Variants in WDFY4 observed in about 807,000 individuals in gnomAD.
The protein encoded by WDFY4 is WD repeat- and FYVE domain-containing protein 4.
A neutral mutation model predicts 351.9 loss-of-function variants in WDFY4; 169 were observed. The observed-to-expected ratio is 0.48, with a 90% CI of 0.42 to 0.55. The LOEUF (loss-of-function observed/expected upper bound fraction) is 0.55. WDFY4 is among the 20% of genes least tolerant of loss of function. The probability of loss-of-function intolerance (pLI) is 0.00; values close to 1 mark genes in which losing one functional copy is unlikely to be tolerated. For synonymous variants in WDFY4, 1,622 were observed against 1,574.6 expected, an observed-to-expected ratio of 1.03 and a Z score of -0.71; for missense variants, 3,803 against 3,935.6, an observed-to-expected ratio of 0.97 and a Z score of 0.90.
At chr10:48,850,572 G>A (rs2133171432) in intron 39 of WDFY4, among the ~76,000 whole-genome samples, 1 of 152,206 alleles carries the variant, frequency 6.6e-6, no homozygotes, top group South Asian at 2.1e-4. Context: ...CATTTTTGGT[G>A]TGTGTATTAC....
chr10:48,910,367 A>G (rs1049086254), intron 47 of WDFY4: 13 of 943,504 alleles, frequency 1.4e-5, no homozygotes, highest in South Asian at 1.2e-4. Context: ...GACCTTCAGG[A>G]TGGTCAGGTT....
At chr10:48,804,562 CAAAAAAAAAA>C (rs58660119) in intron 25 of WDFY4, among the ~76,000 whole-genome samples, 4 of 101,658 alleles carry the variant, frequency 3.9e-5, no homozygotes, top group South Asian at 3.1e-4. Flanking sequence ...TGTGTTAATA[CAAAAAAAAAA>C]AAAAAAAAAA....
chr10:48,966,173 C>A (rs1475708856), intron 54 of WDFY4, among the ~76,000 whole-genome samples: 10 of 152,164 alleles, frequency 6.6e-5, no homozygotes, highest in African/African-American at 2.4e-4. Context: ...GCCACGTTAT[C>A]TAGGGAACGA....
At chr10:48,925,087 C>T (rs1422980017) in intron 47 of WDFY4, among the ~76,000 whole-genome samples, 3 of 152,226 alleles carry the variant, frequency 2.0e-5, no homozygotes, top group African/African-American at 7.2e-5. Context: ...ATATCTTTTA[C>T]TTGTCGGTCA....
intron 51 of WDFY4, among the ~76,000 whole-genome samples, chr10:48,951,135 G>A (rs1387066177): frequency 2.2e-4 from 34 of 152,212 alleles, no homozygotes; most frequent in Non-Finnish European, 3.5e-4. Flanking sequence ...GTGTTCTTAG[G>A]TTTGAGCTGG....
intron 12 of WDFY4, among the ~76,000 whole-genome samples, chr10:48,751,812 G>C (rs1010799302): frequency 1.3e-5 from 2 of 152,180 alleles, no homozygotes; most frequent in Non-Finnish European, 2.9e-5. Context: ...ACCAGGATTG[G>C]AGTAGTCATC....
chr10:48,862,725 C>G (rs1422709065), intron 39 of WDFY4, among the ~76,000 whole-genome samples: 1 of 152,200 alleles, frequency 6.6e-6, no homozygotes, highest in Non-Finnish European at 1.5e-5. Flanking sequence ...GAAAAATTGT[C>G]TTCCACAAAA....
chr10:48,952,973 G>A (rs933609026), intron 51 of WDFY4, among the ~76,000 whole-genome samples: 2 of 152,098 alleles, frequency 1.3e-5, no homozygotes, highest in Non-Finnish European at 2.9e-5. Flanking sequence ...CTGAGGTGCT[G>A]TTGCTACCAA....
chr10:48,941,442 C>G (rs1840758278), intron 47 of WDFY4, among the ~76,000 whole-genome samples: 1 of 152,110 alleles, frequency 6.6e-6, no homozygotes, highest in African/African-American at 2.4e-5. Context: ...ACGAGCAAAA[C>G]AAGGGGTCGG....
intron 12 of WDFY4, among the ~76,000 whole-genome samples, chr10:48,754,391 A>G (rs527568680): frequency 5.3e-4 from 81 of 151,942 alleles, no homozygotes; most frequent in African/African-American, 1.9e-3. Context: ...GGATGTCTGC[A>G]TCCCGTCTTT....
rs1180736209 is a variant in WDFY4 at position 48,774,563 on chromosome 10, A to G, written c.2659A>G (p.Met887Val). ...CGAAGCAGGCTTGCTTGGGACCCTC[A>G]TGGCCTCCTGCCACAGGGCCCTGGT... ...MCEAGLLGTL[M>V]ASCHRALVTS... The change falls in exon 14 of 62, where the codon ATG becomes GTG. Residue 887 changes from methionine (M) to valine (V), a missense_variant. Physicochemically the swap from Met to Val is conservative, Grantham distance 21. This residue lies in a region of WDFY4 where 3,054 missense variants were observed against 3,148.6 expected (regional missense o/e 0.97). Transcript: ENST00000325239. 1.3e-6 allele frequency: 2 copies of G among 1,551,464 alleles called. No individual in the cohort carries two copies. The highest frequency in any genetic ancestry group is 4.9e-5 in the East Asian group (2 of 40,900).
intron 32 of WDFY4, among the ~76,000 whole-genome samples, chr10:48,819,851 G>T (rs548806231): frequency 6.6e-6 from 1 of 152,264 alleles, no homozygotes; most frequent in South Asian, 2.1e-4. Flanking sequence ...GCATTGCCAC[G>T]TTCGTTATTC....
intron 45 of WDFY4, among the ~76,000 whole-genome samples, chr10:48,897,828 T>A (rs1837162113): frequency 6.6e-6 from 1 of 152,250 alleles, no homozygotes; most frequent in Non-Finnish European, 1.5e-5. Flanking sequence ...CTTTTAGGAT[T>A]TAGCTGCTTC....
intron 23 of WDFY4, among the ~76,000 whole-genome samples, chr10:48,792,368 A>C (rs1589621954): frequency 6.6e-6 from 1 of 152,222 alleles, no homozygotes; most frequent in East Asian, 1.9e-4. Context: ...TGCTCAGTCT[A>C]CACATCTCTA....
intron 43 of WDFY4, among the ~76,000 whole-genome samples, chr10:48,881,413 C>T (rs1021192205): frequency 4.6e-5 from 7 of 152,050 alleles, no homozygotes; most frequent in Non-Finnish European, 8.8e-5. Flanking sequence ...GTTGTCCTGC[C>T]GAGATGGTGG....
rs1470351885 is a variant in WDFY4 at position 48,959,738 on chromosome 10, G to T, written c.8148G>T (p.Gly2716=). 14 of 1,551,660 alleles carry T rather than the reference G, an allele frequency of 9.0e-6. No individual in the cohort carries two copies. The highest frequency in any genetic ancestry group is 1.2e-5 in the Non-Finnish European group (14 of 1,146,992). The change falls in exon 53 of 62, where the codon GGG becomes GGT. Residue 2716 remains glycine, a synonymous_variant. Coordinates refer to ENST00000325239, the MANE Select transcript of WDFY4 (RefSeq NM_001394531.1). ...NGVEFGCMQD[G]TVLGDVQLPP... ...CCCATGCAGGCTGCATGCAGGACGGGACTGTGCTAGGAGACGTGCAGCTCC... is the reference window on the plus strand; with the variant it reads ...CCCATGCAGGCTGCATGCAGGACGGTACTGTGCTAGGAGACGTGCAGCTCC...
intron 43 of WDFY4, 101 bp from the exon 44 acceptor site, chr10:48,890,478 C>T: frequency 2.1e-6 from 3 of 1,413,818 alleles, no homozygotes; most frequent in South Asian, 1.3e-5. Context: ...CTCTCACCTC[C>T]AATTGCCCCA....
At chr10:48,735,781 G>A (rs1007939346) in intron 10 of WDFY4, 99 bp from the exon 11 acceptor site, 9 of 1,244,164 alleles carry the variant, frequency 7.2e-6, no homozygotes, top group Middle Eastern at 2.8e-4. Context: ...ATAGCAAAAT[G>A]AAGTTTGAAA....
chr10:48,920,139 T>C (rs1838923477), intron 47 of WDFY4, among the ~76,000 whole-genome samples: 1 of 152,028 alleles, frequency 6.6e-6, no homozygotes, highest in African/African-American at 2.4e-5. Flanking sequence ...AAAAAGATCT[T>C]ATAATTGATG....
Sources: gnomAD v4.1 joint callset for allele counts (sites outside exome capture counted in the v4.1 genomes callset) on GRCh38, gnomAD v4.1.1 for gene constraint, gnomAD v4.1.1 regional missense constraint, MANE v1.5 for transcripts, NCBI Gene and HGNC (gene_info 2026-07-23, HGNC 2026-07-21) for gene names.